The following TULP4 variants were observed in gnomAD, a reference collection of about 807,000 sequenced individuals.
TULP4 encodes the protein TUB like protein 4.
Under a neutral mutation model 129.0 loss-of-function variants are expected in TULP4, and 16 were observed. The ratio of observed to expected loss-of-function variants is 0.12; its 90% CI spans 0.08 to 0.19. The LOEUF (loss-of-function observed/expected upper bound fraction) is 0.19. TULP4 is among the 10% of genes least tolerant of loss of function. The pLI is 1.00. For synonymous variants in TULP4, 998 were observed against 854.0 expected (o/e 1.17, Z -2.94); for missense variants, 1,842 against 2,059.1 (o/e 0.89, Z 2.04).
chr6:158,444,672 C>T (rs554952473), intron 3 of TULP4, among the ~76,000 whole-genome samples: 35 of 152,188 alleles, frequency 2.3e-4, no homozygotes, highest in African/African-American at 8.4e-4. Flanking sequence ...ATCCTGTCTT[C>T]TCCTCCTTTG....
In TULP4 at chr6:158,443,937, T is replaced by TG. The variant is rs1778956487; in HGVS notation, c.544-5057dup. Among the ~76,000 whole-genome samples the TG allele has an allele frequency of 2.0e-5, 3 of 152,218 alleles. No individual in the cohort carries two copies. In the South Asian group the frequency reaches 6.2e-4, roughly 32 times the overall value. On this transcript the variant is annotated intron_variant, in intron 3 of 13. Transcript: ENST00000367097. Reference sequence around the variant, plus strand: ...AACAGGGAGGTCTTAAAAAATTTTTTGGCCGGGTGCGGTGGCTCACGCCTG... The same window carrying TG: ...AACAGGGAGGTCTTAAAAAATTTTTTGGGCCGGGTGCGGTGGCTCACGCCTG...
Position 158,503,070 on chromosome 6 carries a change from A to G in TULP4, c.3407A>G (p.Gln1136Arg), listed in dbSNP as rs777608746. ...CTGGGTGAGGATGTTTGGGTTCCTC[A>G]AGAAAGGACAGCACAGACTTCAGGG... is the stretch of plus-strand genomic sequence containing the variant. ...PMLGEDVWVP[Q>R]ERTAQTSGPN... Residue 1136 changes from glutamine to arginine, a missense_variant, in exon 13 of 14, where the codon CAA (glutamine) becomes CGA (arginine). Transcript: ENST00000367097. The surrounding 1 kb of genome is among the most constrained non-coding windows in gnomAD (Gnocchi z 4.3). 5.0e-6 allele frequency: 8 copies of G among 1,614,094 alleles called. No homozygotes were observed. In the East Asian group the frequency reaches 1.8e-4, roughly 36 times the overall value.
chr6:158,459,321 T>G (rs1225365664), intron 5 of TULP4, among the ~76,000 whole-genome samples: 1 of 151,880 alleles, frequency 6.6e-6, no homozygotes, highest in Non-Finnish European at 1.5e-5. Flanking sequence ...TCCCAGCTAC[T>G]CAGGAAGCTG....
intron 1 of TULP4, among the ~76,000 whole-genome samples, chr6:158,358,013 A>G (rs1327043262): frequency 6.6e-6 from 1 of 152,218 alleles, no homozygotes. Context: ...GCCCTGACAC[A>G]TAGGAGTGCT....
At chr6:158,324,448 T>G (rs1779701621) in intron 1 of TULP4, among the ~76,000 whole-genome samples, 1 of 152,058 alleles carries the variant, frequency 6.6e-6, no homozygotes, top group African/African-American at 2.4e-5. Flanking sequence ...TCCTGCAGAG[T>G]CAGGGAGTGA....
intron 1 of TULP4, among the ~76,000 whole-genome samples, chr6:158,265,373 T>C (rs1356822450): frequency 6.6e-6 from 1 of 152,104 alleles, no homozygotes; most frequent in African/African-American, 2.4e-5. Context: ...TTGAGGTGGC[T>C]TAAATGTAGT....
chr6:158,297,047 G>C (rs1187832481), intron 1 of TULP4, among the ~76,000 whole-genome samples: 2 of 152,132 alleles, frequency 1.3e-5, no homozygotes, highest in Non-Finnish European at 2.9e-5. Context: ...CCCAATCCTA[G>C]TAAGCCTGAG....
At chr6:158,301,756 A>G (rs9355243) in intron 1 of TULP4, among the ~76,000 whole-genome samples, 1 of 152,140 alleles carries the variant, frequency 6.6e-6, no homozygotes, top group Admixed American at 6.5e-5. Context: ...TGGATTCTTT[A>G]CTCCATGAAT....
intron 1 of TULP4, among the ~76,000 whole-genome samples, chr6:158,239,642 A>AC (rs1220348468): frequency 6.5e-5 from 3 of 45,866 alleles, no homozygotes; most frequent in East Asian, 8.9e-4. Flanking sequence ...TGGGGGGCTG[A>AC]CCCCCCCACC....
upstream of TULP4, chr6:158,312,031 C>CCT (rs1779366087): frequency 2.9e-6 from 1 of 346,056 alleles, no homozygotes; most frequent in South Asian, 1.4e-4. Context: ...AATTTTATAT[C>CCT]TTTTTTTTTT....
chr6:158,463,655 T>C (rs978920128), intron 6 of TULP4, among the ~76,000 whole-genome samples: 1 of 138,984 alleles, frequency 7.2e-6, no homozygotes, highest in African/African-American at 2.7e-5. Flanking sequence ...TAAAAATATA[T>C]ATATATATAT....
At chr6:158,469,415 A>C (rs527949802) in intron 6 of TULP4, among the ~76,000 whole-genome samples, 12 of 152,082 alleles carry the variant, frequency 7.9e-5, no homozygotes, top group African/African-American at 2.7e-4. Context: ...CTGGGACTAC[A>C]GGTGTGTGCC....
chr6:158,263,886 A>C (rs1020095362), intron 1 of TULP4, among the ~76,000 whole-genome samples: 3 of 152,064 alleles, frequency 2.0e-5, no homozygotes, highest in Non-Finnish European at 4.4e-5. Context: ...AACATGGTGA[A>C]ATCTCGTCTC....
At chr6:158,275,142 C>T (rs966689947) in intron 1 of TULP4, among the ~76,000 whole-genome samples, 2 of 152,310 alleles carry the variant, frequency 1.3e-5, no homozygotes, top group African/African-American at 2.4e-5. Flanking sequence ...AGTCCAGTGC[C>T]GAGTTGTGGA....
Position 158,509,252 on chromosome 6 carries a change from C to T in TULP4, c.*2558C>T, listed in dbSNP as rs544621491. 3.9e-5 allele frequency: 6 copies of T among 151,990 alleles called. No homozygotes were observed. The highest frequency in any genetic ancestry group is 1.3e-4 in the Admixed American group (2 of 15,280). The allele number at this position is 151,990 out of a possible 1,614,324, so 9.4% of individuals were successfully genotyped here. Reference sequence around the variant, plus strand: ...TAATTGGGAAAAAATTCCTATTAATCACTTAAAAATTTTTTTTTGTATTTT... The same window carrying T: ...TAATTGGGAAAAAATTCCTATTAATTACTTAAAAATTTTTTTTTGTATTTT... On this transcript the variant is annotated 3_prime_UTR_variant, in exon 14 of 14. Transcript: ENST00000367097.
chr6:158,446,011 A>G lies in TULP4; in HGVS notation c.544-2985A>G, dbSNP rs1266990776. 2.0e-5 allele frequency among the ~76,000 whole-genome samples: 3 copies of G among 152,318 alleles called. No homozygotes were observed. The East Asian group carries it at 5.8e-4, about 29-fold the overall frequency. The stretch of plus-strand genomic sequence containing the variant: ...AAACAGGAGCACCAGCCCACTTAGA[A>G]CACATTCATTACTTGACCAACATTA... On this transcript the variant is annotated intron_variant, in intron 3 of 13. Coordinates refer to ENST00000367097, the MANE Select transcript of TULP4 (RefSeq NM_020245.5).
At chr6:158,467,182 T>C (rs909969602) in intron 6 of TULP4, among the ~76,000 whole-genome samples, 4 of 152,094 alleles carry the variant, frequency 2.6e-5, no homozygotes, top group African/African-American at 9.7e-5. Context: ...CTCCTAGATA[T>C]CTTCATGTCT....
intron 1 of TULP4, among the ~76,000 whole-genome samples, chr6:158,412,556 A>AT (rs36044322): frequency 0.24 from 36,913 of 151,550 alleles, 5,665 homozygotes; most frequent in Middle Eastern, 0.35. Flanking sequence ...TCAAGTATGT[A>AT]TTTTTTTTTC....
chr6:158,277,712 C>T (rs1448821078), upstream of TULP4, among the ~76,000 whole-genome samples: 2 of 152,108 alleles, frequency 1.3e-5, no homozygotes, highest in African/African-American at 4.8e-5. Context: ...TAACTTTTGG[C>T]CTTTGTGTGG....
Sources: gnomAD v4.1 joint callset for allele counts (sites outside exome capture counted in the v4.1 genomes callset) on GRCh38, gnomAD v4.1.1 for gene constraint, Gnocchi (gnomAD v3.1) non-coding constraint, MANE v1.5 for transcripts, NCBI Gene and HGNC (gene_info 2026-07-23, HGNC 2026-07-21) for gene names.